Variants in PLEKHA5 observed in about 807,000 individuals in gnomAD.
PLEKHA5 encodes the protein pleckstrin homology domain-containing family A member 5.
A neutral mutation model predicts 181.9 loss-of-function variants in PLEKHA5; 55 were observed. That is an observed-to-expected ratio of 0.30 (90% CI 0.24 to 0.38). The LOEUF (loss-of-function observed/expected upper bound fraction) is 0.38. PLEKHA5 is among the 10% of genes least tolerant of loss of function. PLEKHA5 has a pLI of 1.00. For missense variants in PLEKHA5, 1,432 were observed against 1,549.5 expected (o/e 0.92, Z 1.27); for synonymous variants, 535 against 529.4 (o/e 1.01, Z -0.15).
At chr12:19,349,780 C>A (rs1362329978) in intron 25 of PLEKHA5, among the ~76,000 whole-genome samples, 2 of 151,662 alleles carry the variant, frequency 1.3e-5, no homozygotes, top group African/African-American at 4.8e-5. Flanking sequence ...GAAACTCTAC[C>A]AGCCTGGCCA....
chr12:19,340,876 C>A (rs1313567306), intron 21 of PLEKHA5, among the ~76,000 whole-genome samples: 2 of 150,062 alleles, frequency 1.3e-5, no homozygotes, highest in Admixed American at 6.7e-5. Flanking sequence ...TATCTGCTGA[C>A]CTTCCCTCCA....
intron 15 of PLEKHA5, among the ~76,000 whole-genome samples, chr12:19,294,863 A>C (rs1190017978): frequency 6.6e-6 from 1 of 152,218 alleles, no homozygotes; most frequent in Admixed American, 6.5e-5. Context: ...TCAGCAATAT[A>C]ATTTGATTCT....
intron 15 of PLEKHA5, among the ~76,000 whole-genome samples, chr12:19,304,469 G>C (rs1213311744): frequency 2.0e-5 from 3 of 152,128 alleles, no homozygotes; most frequent in African/African-American, 7.2e-5. Context: ...TACTTAGTTT[G>C]AAGTTTTTTA....
intron 15 of PLEKHA5, among the ~76,000 whole-genome samples, chr12:19,292,079 G>A (rs187240939): frequency 6.6e-6 from 1 of 152,338 alleles, no homozygotes; most frequent in East Asian, 1.9e-4. Flanking sequence ...GGTGAATGTA[G>A]TGTGCTCTGT....
At chr12:19,202,977 G>A (rs1273461417) in intron 3 of PLEKHA5, among the ~76,000 whole-genome samples, 1 of 152,106 alleles carries the variant, frequency 6.6e-6, no homozygotes, top group Admixed American at 6.6e-5. Flanking sequence ...TACTGGGGTA[G>A]TATTTGGGAA....
chr12:19,301,104 C>A (rs1378681916), intron 15 of PLEKHA5, among the ~76,000 whole-genome samples: 1 of 151,972 alleles, frequency 6.6e-6, no homozygotes, highest in African/African-American at 2.4e-5. Context: ...GAGCCGAGAT[C>A]GCGCCATTGC....
At chr12:19,273,809 G>A (rs1259593420) in intron 10 of PLEKHA5, among the ~76,000 whole-genome samples, 3 of 152,138 alleles carry the variant, frequency 2.0e-5, no homozygotes, top group African/African-American at 7.2e-5. Flanking sequence ...GGTAAAATAA[G>A]GTCTGTGCCA....
At chr12:19,306,421 C>T (rs746315181) in intron 15 of PLEKHA5, 61 of 563,946 alleles carry the variant, frequency 1.1e-4, no homozygotes, top group Non-Finnish European at 1.8e-4. Flanking sequence ...AAGGTGGCGA[C>T]GGCGACTGGA....
intron 3 of PLEKHA5, among the ~76,000 whole-genome samples, chr12:19,183,059 C>T (rs1440452422): frequency 6.6e-6 from 1 of 152,018 alleles, no homozygotes; most frequent in African/African-American, 2.4e-5. Context: ...TTAAAAACCA[C>T]TAGTGAAAAT....
chr12:19,229,860 G>A (rs371745801), intron 3 of PLEKHA5, among the ~76,000 whole-genome samples: 30 of 152,128 alleles, frequency 2.0e-4, no homozygotes, highest in African/African-American at 6.7e-4. Flanking sequence ...TACAATCCCT[G>A]AGCTAGACAC....
At position 19,261,008 on chromosome 12, in the gene PLEKHA5, C is replaced by T; in HGVS notation, c.597C>T (p.Leu199=). 3 of 1,591,582 alleles carry T rather than the reference C, an allele frequency of 1.9e-6. No individual in the cohort carries two copies. The highest frequency in any genetic ancestry group is 2.6e-6 in the Non-Finnish European group (3 of 1,163,232). ...GGTTTGTGCTTTCTGACCTTTGCCT[C>T]TTTTATTATAGAGGTAAGTTTACCC... ...KRWFVLSDLC[L]FYYRDEKEEG... is the part of the protein sequence containing the mutation. Residue 199 remains leucine, a synonymous_variant, in exon 7 of 32, where the codon CTC becomes CTT. Coordinates refer to ENST00000429027, the MANE Select transcript of PLEKHA5 (RefSeq NM_001256470.2).
Position 19,345,902 on chromosome 12 carries a change from GTT to G in PLEKHA5, c.2709+18_2709+19del. The G allele has an allele frequency of 7.5e-7, 1 of 1,338,002 alleles. No individual in the cohort carries two copies. The highest frequency in any genetic ancestry group is 1.1e-6 in the Non-Finnish European group (1 of 938,958). 82.9% of individuals were successfully genotyped at this position (1,338,002 alleles called of 1,614,324 possible). On this transcript the variant is annotated intron_variant, in intron 23 of 31. Transcript: ENST00000429027. ...TACAAAAATGAGGTAAGTTTGGATT[GTT>G]TTTCTAATTATAAATTACTTTTAAT...
chr12:19,333,457 G>A (rs2093051379), intron 20 of PLEKHA5, among the ~76,000 whole-genome samples: 1 of 151,344 alleles, frequency 6.6e-6, no homozygotes, highest in African/African-American at 2.4e-5. Flanking sequence ...GTGCGCACCT[G>A]TAGTCCCAAG....
intron 10 of PLEKHA5, among the ~76,000 whole-genome samples, chr12:19,270,719 G>T (rs1295983331): frequency 6.6e-6 from 1 of 152,088 alleles, no homozygotes; most frequent in Non-Finnish European, 1.5e-5. Flanking sequence ...AAAAAATTAT[G>T]ATGCAAGTTA....
chr12:19,173,626 C>T (rs985929430), intron 3 of PLEKHA5, among the ~76,000 whole-genome samples: 1 of 152,174 alleles, frequency 6.6e-6, no homozygotes, highest in Non-Finnish European at 1.5e-5. Context: ...TCTCAAATCA[C>T]TCACTATTTG....
chr12:19,141,467 A>AT (rs770996964), intron 3 of PLEKHA5, among the ~76,000 whole-genome samples: 39 of 152,352 alleles, frequency 2.6e-4, no homozygotes, highest in Admixed American at 1.4e-3. Flanking sequence ...GGAAGTCAAG[A>AT]TGTGAAAGAC....
chr12:19,303,582 A>G (rs2082214682), intron 15 of PLEKHA5: 1 of 152,052 alleles, frequency 6.6e-6, no homozygotes, highest in South Asian at 2.1e-4. Context: ...CACTATGCCG[A>G]TCAGGTGTCC....
In PLEKHA5 at chr12:19,280,526, T is replaced by C. The variant is rs73331845; in HGVS notation, c.1314-2754T>C. 2.0e-3 allele frequency among the ~76,000 whole-genome samples: 298 copies of C among 152,196 alleles called. 2 individuals carry two copies. Among genetic ancestry groups the C allele is most frequent in the African/African-American group, 7.0e-3 (290 of 41,548 alleles). ...ATGTAATTACCAATATCTCTGACAT[T>C]TTCACAACCAGTAGGAGCCCATGTA... On this transcript the variant is annotated intron_variant, in intron 11 of 31. Coordinates refer to ENST00000429027, the MANE Select transcript of PLEKHA5 (RefSeq NM_001256470.2).
At chr12:19,338,860 A>G (rs1408302237) in intron 21 of PLEKHA5, among the ~76,000 whole-genome samples, 9 of 149,968 alleles carry the variant, frequency 6.0e-5, no homozygotes, top group Admixed American at 4.7e-4. Context: ...CTCCAGCCTG[A>G]GTGATGGGCA....
Sources: gnomAD v4.1 joint callset for allele counts (sites outside exome capture counted in the v4.1 genomes callset) on GRCh38, gnomAD v4.1.1 for gene constraint, MANE v1.5 for transcripts, NCBI Gene and HGNC (gene_info 2026-07-23, HGNC 2026-07-21) for gene names.